Variants in RNGTT observed in about 807,000 individuals in gnomAD.
RNGTT encodes RNA guanylyltransferase and 5'-phosphatase.
In RNGTT, 33 loss-of-function variants were observed where a neutral mutation model predicts 79.3. The observed-to-expected ratio is 0.42, with a 90% confidence interval of 0.32 to 0.56. The LOEUF is 0.56. Ranked by LOEUF, RNGTT falls within the 20% of genes least tolerant of loss-of-function variation. The pLI, the probability that RNGTT is intolerant of heterozygous loss-of-function variation, is 0.17. For missense variants in RNGTT, 497 were observed against 739.1 expected (o/e 0.67, Z 3.80); for synonymous variants, 222 against 235.9 (o/e 0.94, Z 0.54).
At position 88,770,373 on chromosome 6, in the gene RNGTT, T is replaced by C. The variant is rs118039290; in HGVS notation, c.1339-499A>G. On this transcript the variant is annotated intron_variant, in intron 12 of 15. Transcript: ENST00000369485. The stretch of plus-strand genomic sequence containing the variant: ...AGTGATCTGCTTTCTACGACTACAG[T>C]TGTACCTTTTCTAGCTACATAAGAA... 8.5e-5 allele frequency among the ~76,000 whole-genome samples: 13 copies of C among 152,310 alleles called. No homozygotes were observed. The East Asian group carries it at 1.9e-3, about 23-fold the overall frequency.
Position 88,963,427 on chromosome 6 carries a change from A to G in RNGTT, c.-18T>C, listed in dbSNP as rs762296871. The G allele has an allele frequency of 1.0e-5, 16 of 1,562,518 alleles. No homozygotes were observed. The East Asian group carries it at 3.7e-4, about 36-fold the overall frequency. On this transcript the variant is annotated 5_prime_UTR_variant, in exon 1 of 16. Coordinates refer to ENST00000369485, the MANE Select transcript of RNGTT (RefSeq NM_003800.5). ...TGAGCCATGTCTTGGGGCTGCGCAG[A>G]GCTGCCCTCCCTCACCAACGTTCAC...
rs1269522552 is a variant in RNGTT, at chr6:88,612,252, TA to T, written c.*466del. 2 of 153,376 alleles carry T rather than the reference TA, an allele frequency of 1.3e-5. No homozygotes were observed. Among genetic ancestry groups the T allele is most frequent in the Non-Finnish European group, 1.5e-5 (1 of 68,596 alleles). 9.5% of individuals were successfully genotyped at this position (153,376 alleles called of 1,614,324 possible). A position where few individuals can be genotyped will look rare whatever the true frequency, so the allele number is the denominator to read the frequency against. On this transcript the variant is annotated 3_prime_UTR_variant, in exon 16 of 16. Coordinates refer to ENST00000369485, the MANE Select transcript of RNGTT (RefSeq NM_003800.5). Reference sequence around the variant, plus strand: ...TCTCAGAAATGTAGGAAATCCATGGTAAATGATAGCAAGAATGTTTAATGCC... The same window carrying T: ...TCTCAGAAATGTAGGAAATCCATGGTAATGATAGCAAGAATGTTTAATGCC...
At chr6:88,791,521 G>T (rs987792948) in intron 12 of RNGTT, among the ~76,000 whole-genome samples, 1 of 151,942 alleles carries the variant, frequency 6.6e-6, no homozygotes, top group Non-Finnish European at 1.5e-5. Context: ...GTACCATCAC[G>T]TTTTCTAAAT....
intron 8 of RNGTT, among the ~76,000 whole-genome samples, chr6:88,883,015 A>G (rs1023505073): frequency 3.9e-5 from 6 of 152,104 alleles, no homozygotes; most frequent in Non-Finnish European, 8.8e-5. Flanking sequence ...CTTTTTCTAA[A>G]GAAGCTCTCT....
At chr6:88,776,736 T>C (rs575324081) in intron 12 of RNGTT, among the ~76,000 whole-genome samples, 15 of 152,226 alleles carry the variant, frequency 9.9e-5, no homozygotes, top group African/African-American at 3.4e-4. Flanking sequence ...TACTGAGTTG[T>C]GAATTCCTTT....
In RNGTT at chr6:88,714,737, C is replaced by G. The variant is rs1453984995; in HGVS notation, c.1440-36318G>C. On this transcript the variant is annotated intron_variant, in intron 13 of 15. Coordinates refer to ENST00000369485, the MANE Select transcript of RNGTT (RefSeq NM_003800.5). Reference sequence around the variant, plus strand: ...GATTACAGGCGTGAGCCACCGCGCCCGGCCTAAAAGTACTTTTTAAAAGTA... The same window carrying G: ...GATTACAGGCGTGAGCCACCGCGCCGGGCCTAAAAGTACTTTTTAAAAGTA... Among the ~76,000 whole-genome samples, 7 of 109,688 alleles carry G rather than the reference C, an allele frequency of 6.4e-5. 1 individual carries two copies. The highest frequency in any genetic ancestry group is 3.1e-4 in the African/African-American group (2 of 6,506). The allele number at this position is 109,688 out of a possible 152,430, so 72.0% of individuals were successfully genotyped here. A position where few individuals can be genotyped will look rare whatever the true frequency, so the allele number is the denominator to read the frequency against.
At chr6:88,730,190 A>T (rs921465072) in intron 13 of RNGTT, among the ~76,000 whole-genome samples, 7 of 152,148 alleles carry the variant, frequency 4.6e-5, no homozygotes, top group African/African-American at 1.7e-4. Context: ...CAATATGTAA[A>T]ATTCTTTGCC....
intron 11 of RNGTT, among the ~76,000 whole-genome samples, chr6:88,805,549 T>C (rs1213228467): frequency 6.6e-6 from 1 of 152,100 alleles, no homozygotes; most frequent in African/African-American, 2.4e-5. Flanking sequence ...CTTGGACCAA[T>C]GATATTATAT....
chr6:88,951,833 C>A (rs1219495126), intron 1 of RNGTT, among the ~76,000 whole-genome samples: 1 of 152,164 alleles, frequency 6.6e-6, no homozygotes, highest in East Asian at 1.9e-4. Context: ...TCGGGGAAAG[C>A]AGACAGCAGA....
intron 13 of RNGTT, chr6:88,714,538 G>T (rs1226883088): frequency 1.1e-5 from 1 of 94,174 alleles, no homozygotes; most frequent in Non-Finnish European, 1.8e-5. Context: ...CGCCTCCCGG[G>T]TTCACGCCAT....
intron 14 of RNGTT, among the ~76,000 whole-genome samples, chr6:88,625,987 C>G (rs1483998113): frequency 2.0e-5 from 3 of 151,892 alleles, no homozygotes; most frequent in Admixed American, 1.3e-4. Flanking sequence ...GGAATACTAA[C>G]TAGATGTAGA....
chr6:88,906,563 T>A, intron 4 of RNGTT, 123 bp from the exon 5 acceptor site: 1 of 596,458 alleles, frequency 1.7e-6, no homozygotes, highest in Non-Finnish European at 2.9e-6. Context: ...ATTTTTTAAT[T>A]TTTTAACTTG....
At chr6:88,757,004 C>T (rs1246496328) in intron 13 of RNGTT, among the ~76,000 whole-genome samples, 1 of 152,176 alleles carries the variant, frequency 6.6e-6, no homozygotes, top group Non-Finnish European at 1.5e-5. Context: ...AACCACTTTT[C>T]AGTTTTAACA....
At chr6:88,902,869 G>T (rs1562311562) in intron 6 of RNGTT, among the ~76,000 whole-genome samples, 1 of 151,654 alleles carries the variant, frequency 6.6e-6, no homozygotes, top group African/African-American at 2.4e-5. Context: ...CTAATTTTTT[G>T]TATTTTTAGT....
At chr6:88,748,808 G>A (rs556309350) in intron 13 of RNGTT, among the ~76,000 whole-genome samples, 1 of 151,826 alleles carries the variant, frequency 6.6e-6, no homozygotes, top group Non-Finnish European at 1.5e-5. Flanking sequence ...ATAATAGCAG[G>A]AAAAGCTCAG....
intron 14 of RNGTT, among the ~76,000 whole-genome samples, chr6:88,664,074 A>G (rs1365661681): frequency 1.3e-5 from 2 of 152,156 alleles, no homozygotes; most frequent in African/African-American, 4.8e-5. Context: ...CCAGCTGATT[A>G]TCAGAACCCC....
At chr6:88,725,775 G>A (rs538197885) in intron 13 of RNGTT, among the ~76,000 whole-genome samples, 1 of 152,258 alleles carries the variant, frequency 6.6e-6, no homozygotes, top group South Asian at 2.1e-4. Context: ...TTCTTCTCAG[G>A]GGAAGAAAGA....
intron 6 of RNGTT, among the ~76,000 whole-genome samples, chr6:88,897,865 A>G (rs552942046): frequency 1.3e-5 from 2 of 152,326 alleles, no homozygotes; most frequent in East Asian, 1.9e-4. Context: ...CCGGCCATCA[A>G]TAAAAATCTT....
chr6:88,741,118 T>C (rs1358705439), intron 13 of RNGTT, among the ~76,000 whole-genome samples: 1 of 152,100 alleles, frequency 6.6e-6, no homozygotes, highest in Non-Finnish European at 1.5e-5. Flanking sequence ...AGAAAAGACA[T>C]TGTTTTACCA....
Sources: allele counts gnomAD v4.1 joint callset (sites outside exome capture counted in the v4.1 genomes callset), GRCh38; gene constraint gnomAD v4.1.1; transcripts MANE v1.5; gene names NCBI Gene and HGNC (gene_info 2026-07-23, HGNC 2026-07-21).